RPH3A: variants seen among roughly 807,000 people sequenced by gnomAD.
The protein encoded by RPH3A is rabphilin 3A.
Under a neutral mutation model 102.2 loss-of-function variants are expected in RPH3A, and 48 were observed. The observed-to-expected ratio is 0.47, with a 90% CI of 0.37 to 0.60. The LOEUF is 0.60. Among genes scored for constraint, RPH3A ranks in the 20% least tolerant of loss-of-function variants. The pLI is 0.00. For synonymous variants in RPH3A, 310 were observed against 324.3 expected, an observed-to-expected ratio of 0.96 and a Z score of 0.47; for missense variants, 781 against 910.1, an observed-to-expected ratio of 0.86 and a Z score of 1.83.
intron 1 of RPH3A, among the ~76,000 whole-genome samples, chr12:112,635,392 ACT>A (rs2039840759): frequency 6.6e-6 from 1 of 152,012 alleles, no homozygotes; most frequent in Non-Finnish European, 1.5e-5. Flanking sequence ...TGTATTCTTT[ACT>A]CTCTTTGCCT....
chr12:112,724,496 T>C (rs1258800238), intron 1 of RPH3A, among the ~76,000 whole-genome samples: 1 of 152,250 alleles, frequency 6.6e-6, no homozygotes, highest in African/African-American at 2.4e-5. Flanking sequence ...TTCAAACCCA[T>C]GTTGTTCAAG....
chr12:112,687,613 GCATGTGTAATTAATTTTC>G (rs1307878182), intron 1 of RPH3A, among the ~76,000 whole-genome samples: 1 of 152,212 alleles, frequency 6.6e-6, no homozygotes, highest in Non-Finnish European at 1.5e-5. Flanking sequence ...AAAGGAATAA[GCATGTGTAATTAATTTTC>G]CATCCTCCAC....
chr12:112,848,391 G>A (rs527828155), intron 5 of RPH3A, among the ~76,000 whole-genome samples: 1 of 152,210 alleles, frequency 6.6e-6, no homozygotes, highest in Non-Finnish European at 1.5e-5. Context: ...CAGTCAGGCA[G>A]CATGTGAGTG....
chr12:112,698,622 G>A (rs570147314), intron 1 of RPH3A, among the ~76,000 whole-genome samples: 1 of 152,036 alleles, frequency 6.6e-6, no homozygotes, highest in South Asian at 2.1e-4. Flanking sequence ...ATGATGACAA[G>A]CCACAGACTT....
chr12:112,837,695 G>A lies in RPH3A; in HGVS notation c.83+1193G>A, dbSNP rs544558378. On this transcript the variant is annotated intron_variant, in intron 4 of 21. Transcript: ENST00000389385. Reference sequence around the variant, plus strand: ...ATGAATATATTATTCAGACATGCTGGAGAGAGATGCTGAGTCATTGTCAGA... The same window carrying A: ...ATGAATATATTATTCAGACATGCTGAAGAGAGATGCTGAGTCATTGTCAGA... The A allele has an allele frequency of 5.3e-4, 239 of 454,540 alleles. 3 individuals carry two copies. In the Middle Eastern group the frequency reaches 0.024, roughly 47 times the overall value. The allele number at this position is 454,540 out of a possible 1,614,324, so 28.2% of individuals were successfully genotyped here. A position where few individuals can be genotyped will look rare whatever the true frequency, so the allele number is the denominator to read the frequency against.
At chr12:112,875,610 G>T (rs982553089) in intron 11 of RPH3A, 69 bp from the exon 12 acceptor site, 1 of 1,381,242 alleles carries the variant, frequency 7.2e-7, no homozygotes. Context: ...AAATGAAAAG[G>T]AAAAGGTGAA....
intron 10 of RPH3A, chr12:112,873,785 G>A (rs1179483823): frequency 1.3e-5 from 2 of 152,238 alleles, no homozygotes; most frequent in East Asian, 3.8e-4. Context: ...AAGGCCTGGT[G>A]CATTTGAAGA....
In RPH3A at chr12:112,792,210, G is replaced by C. The variant is rs931924489; in HGVS notation, c.-72G>C. ...GTCTTTCTACCCGGCAGGGAAGGGA[G>C]GAGTTGGCAAGAATTTGGCTCACCC... On this transcript the variant is annotated 5_prime_UTR_variant, in exon 2 of 22. Coordinates refer to ENST00000389385, the MANE Select transcript of RPH3A (RefSeq NM_001143854.2). 2 of 152,170 alleles carry C rather than the reference G, an allele frequency of 1.3e-5. No homozygotes were observed. The highest frequency in any genetic ancestry group is 4.8e-5 in the African/African-American group (2 of 41,448). The allele number at this position is 152,170 out of a possible 1,614,324, so 9.4% of individuals were successfully genotyped here.
intron 1 of RPH3A, among the ~76,000 whole-genome samples, chr12:112,585,761 A>G (rs1037839856): frequency 6.6e-6 from 1 of 152,176 alleles, no homozygotes; most frequent in African/African-American, 2.4e-5. Flanking sequence ...GTTGGTTAAA[A>G]TGGCCAGGCA....
At chr12:112,705,825 G>A (rs1020971514) in intron 1 of RPH3A, among the ~76,000 whole-genome samples, 1 of 152,096 alleles carries the variant, frequency 6.6e-6, no homozygotes, top group Admixed American at 6.5e-5. Flanking sequence ...AAATCTAAGT[G>A]TATCAACAGC....
intron 1 of RPH3A, among the ~76,000 whole-genome samples, chr12:112,611,621 T>C (rs2039639410): frequency 6.6e-6 from 1 of 152,052 alleles, no homozygotes; most frequent in Non-Finnish European, 1.5e-5. Context: ...GTATTTTTGG[T>C]AGAGATTGGG....
intron 1 of RPH3A, among the ~76,000 whole-genome samples, chr12:112,739,968 C>G (rs2040697353): frequency 6.6e-6 from 1 of 152,118 alleles, no homozygotes; most frequent in South Asian, 2.1e-4. Flanking sequence ...GGGTAGTAAC[C>G]ACTTTCTGCT....
intron 4 of RPH3A, 29 bp downstream of exon 4, chr12:112,836,531 A>AT: frequency 1.7e-6 from 2 of 1,175,896 alleles, no homozygotes; most frequent in Non-Finnish European, 2.4e-6. Flanking sequence ...TTATTTATTT[A>AT]TTTTTTACAA....
chr12:112,628,996 C>A (rs1041173549), intron 1 of RPH3A, among the ~76,000 whole-genome samples: 6 of 152,082 alleles, frequency 3.9e-5, no homozygotes, highest in African/African-American at 9.7e-5. Context: ...GGGAGAGAAC[C>A]ATTTGCCCCA....
intron 4 of RPH3A, among the ~76,000 whole-genome samples, chr12:112,840,520 C>A (rs1455071815): frequency 6.6e-6 from 1 of 152,128 alleles, no homozygotes; most frequent in Non-Finnish European, 1.5e-5. Context: ...CCACCGCAGA[C>A]CTTCTGAACC....
At chr12:112,695,797 C>T (rs1198647982) in intron 1 of RPH3A, among the ~76,000 whole-genome samples, 1 of 152,214 alleles carries the variant, frequency 6.6e-6, no homozygotes, top group Non-Finnish European at 1.5e-5. Flanking sequence ...ATCTCTATCC[C>T]AGGAGACCTG....
chr12:112,593,637 G>A (rs233723), intron 1 of RPH3A, among the ~76,000 whole-genome samples: 23,364 of 152,202 alleles, frequency 0.15, 2,144 homozygotes, highest in South Asian at 0.3. Context: ...TAGATGGTGC[G>A]TTAGATTGGA....
chr12:112,739,695 T>C (rs930475733), intron 1 of RPH3A, among the ~76,000 whole-genome samples: 1 of 152,228 alleles, frequency 6.6e-6, no homozygotes, highest in Non-Finnish European at 1.5e-5. Flanking sequence ...TGTCCTCTGT[T>C]CTTTTCTGAT....
chr12:112,859,703 C>A (rs1211317423), intron 5 of RPH3A, among the ~76,000 whole-genome samples: 4 of 152,174 alleles, frequency 2.6e-5, no homozygotes, highest in Non-Finnish European at 5.9e-5. Flanking sequence ...ACCTCCTTTC[C>A]TGTTTCTTAA....
Sources: gnomAD v4.1 joint callset for allele counts (sites outside exome capture counted in the v4.1 genomes callset) on GRCh38, gnomAD v4.1.1 for gene constraint, MANE v1.5 for transcripts, NCBI Gene and HGNC (gene_info 2026-07-23, HGNC 2026-07-21) for gene names.